The following CACNA1D variants were observed in gnomAD, a reference collection of about 807,000 sequenced individuals.
The protein encoded by CACNA1D is voltage-dependent L-type calcium channel subunit alpha-1D.
Under a neutral mutation model 257.1 loss-of-function variants are expected in CACNA1D, and 55 were observed. The observed-to-expected ratio is 0.21, with a 90% confidence interval of 0.17 to 0.27. The LOEUF (loss-of-function observed/expected upper bound fraction) is 0.27. CACNA1D is among the 10% of genes least tolerant of loss of function. The pLI, the probability that CACNA1D is intolerant of heterozygous loss-of-function variation, is 1.00. For missense variants in CACNA1D, 1,876 were observed against 2,784.0 expected, an observed-to-expected ratio of 0.67 and a Z score of 7.34; for synonymous variants, 980 against 1,014.9, an observed-to-expected ratio of 0.97 and a Z score of 0.65.
chr3:53,763,018 C>T (rs1384323584), intron 30 of CACNA1D, among the ~76,000 whole-genome samples: 3 of 152,166 alleles, frequency 2.0e-5, no homozygotes, highest in African/African-American at 7.2e-5. Context: ...TGATGTGCAC[C>T]CTCGTCCCCG....
At chr3:53,505,736 G>T (rs1299090820) in intron 3 of CACNA1D, among the ~76,000 whole-genome samples, 1 of 152,186 alleles carries the variant, frequency 6.6e-6, no homozygotes, top group African/African-American at 2.4e-5. Flanking sequence ...CTGCTTAAAA[G>T]AGCCCACAGT....
intron 29 of CACNA1D, among the ~76,000 whole-genome samples, chr3:53,761,526 G>A (rs2095302239): frequency 6.6e-6 from 1 of 152,248 alleles, no homozygotes; most frequent in Non-Finnish European, 1.5e-5. Context: ...GCGAGGACTG[G>A]AGAGCATTGC....
At chr3:53,765,608 T>C (rs112185871) in intron 30 of CACNA1D, 32 of 152,782 alleles carry the variant, frequency 2.1e-4, no homozygotes, top group African/African-American at 7.5e-4. Context: ...ATCTAAATTG[T>C]TCCCCATCCC....
intron 3 of CACNA1D, among the ~76,000 whole-genome samples, chr3:53,533,317 G>A (rs189453405): frequency 2.0e-5 from 3 of 152,230 alleles, no homozygotes; most frequent in East Asian, 1.9e-4. Context: ...GAAGTAGATC[G>A]GGTCTACGTT....
At chr3:53,633,698 G>A (rs886650215) in intron 3 of CACNA1D, among the ~76,000 whole-genome samples, 16 of 152,164 alleles carry the variant, frequency 1.1e-4, no homozygotes, top group African/African-American at 3.6e-4. Flanking sequence ...CTCCACAGAC[G>A]TGCTTTTCAG....
chr3:53,713,502 ATGTGTGTGTGTGTGTG>A (rs35655186), intron 9 of CACNA1D, among the ~76,000 whole-genome samples: 1 of 129,460 alleles, frequency 7.7e-6, no homozygotes, highest in South Asian at 2.3e-4. Flanking sequence ...CTCTGTGTGT[ATGTGTGTGTGTGTGTG>A]TGTGTGTGTG....
At chr3:53,747,547 G>T in intron 26 of CACNA1D, 99 bp downstream of exon 26, 8 of 1,269,370 alleles carry the variant, frequency 6.3e-6, no homozygotes, top group Non-Finnish European at 9.2e-6. Flanking sequence ...CTCCAGTGTC[G>T]CAGGATTGCC....
chr3:53,675,760 T>A lies in CACNA1D; in HGVS notation c.1220+2634T>A, dbSNP rs560409232. 4.5e-4 allele frequency among the ~76,000 whole-genome samples: 69 copies of A among 152,308 alleles called. 1 individual carries two copies. The highest frequency in any genetic ancestry group is 1.5e-3 in the African/African-American group (64 of 41,576). On this transcript the variant is annotated intron_variant, in intron 8 of 47. Coordinates refer to ENST00000350061, the MANE Select transcript of CACNA1D (RefSeq NM_001128840.3). Reference sequence around the variant, plus strand: ...ATATTTTGGGGGGAAATAATTTTTTTAAAAAATATTTTTTCATCAAAACAA... The same window carrying A: ...ATATTTTGGGGGGAAATAATTTTTTAAAAAAATATTTTTTCATCAAAACAA...
In CACNA1D at chr3:53,810,098, A is replaced by AC. The variant is rs753903534; in HGVS notation, c.5998dup (p.Leu2000ProfsTer91). On this transcript the variant is annotated frameshift_variant, in exon 47 of 48. Coordinates refer to ENST00000350061, the MANE Select transcript of CACNA1D (RefSeq NM_001128840.3). LOFTEE classifies it high-confidence loss of function. ...CTACCGGGACTGGACACCGTGCTAC[A>AC]CCCCCCTGATCCAAGTGGAGCAGTC... The AC allele has an allele frequency of 6.2e-7, 1 of 1,613,478 alleles. No individual in the cohort carries two copies. Among genetic ancestry groups the AC allele is most frequent in the Non-Finnish European group, 8.5e-7 (1 of 1,179,930 alleles).
chr3:53,583,241 T>A (rs1426351265), intron 3 of CACNA1D, among the ~76,000 whole-genome samples: 2 of 151,950 alleles, frequency 1.3e-5, no homozygotes, highest in East Asian at 1.9e-4. Flanking sequence ...ATTTTTTTTT[T>A]AATTGCTACC....
chr3:53,551,632 G>A (rs1296550052), intron 3 of CACNA1D, among the ~76,000 whole-genome samples: 1 of 152,180 alleles, frequency 6.6e-6, no homozygotes, highest in Admixed American at 6.5e-5. Flanking sequence ...CCCACACTTC[G>A]AGGTTTACAA....
At position 53,635,725 on chromosome 3, in the gene CACNA1D, T is replaced by C. The variant is rs535217539; in HGVS notation, c.484-15054T>C. Among the ~76,000 whole-genome samples the C allele has an allele frequency of 2.6e-5, 4 of 152,322 alleles. No individual in the cohort carries two copies. In the East Asian group the frequency reaches 7.7e-4, roughly 29 times the overall value. ...TTTGGTGCTTTTTCCTACTCCATCC[T>C]GCCTTCTGCTATTCATGCCCCATTG... On this transcript the variant is annotated intron_variant, in intron 3 of 47. Transcript: ENST00000350061.
intron 21 of CACNA1D, among the ~76,000 whole-genome samples, chr3:53,741,730 C>G (rs1275770521): frequency 6.6e-6 from 1 of 152,134 alleles, no homozygotes; most frequent in East Asian, 1.9e-4. Flanking sequence ...CACTCACCGG[C>G]TCAGCTTCTG....
chr3:53,691,799 A>ATGAAG (rs2094526334), intron 8 of CACNA1D, among the ~76,000 whole-genome samples: 1 of 109,976 alleles, frequency 9.1e-6, no homozygotes, highest in Non-Finnish European at 1.8e-5. Context: ...TATATATTAC[A>ATGAAG]TATATAATAT....
chr3:53,658,049 ACTC>A lies in CACNA1D; in HGVS notation c.624-2080_624-2078del, dbSNP rs2094165642. On this transcript the variant is annotated intron_variant, in intron 4 of 47. Coordinates refer to ENST00000350061, the MANE Select transcript of CACNA1D (RefSeq NM_001128840.3). Reference sequence around the variant, plus strand: ...TGAAGAACGTGAAGGCTTGTATGTGACTCCTCATTCTGGTGCTTCTGACTTTAG... The same window carrying A: ...TGAAGAACGTGAAGGCTTGTATGTGACTCATTCTGGTGCTTCTGACTTTAG... Among the ~76,000 whole-genome samples, 2 of 151,966 alleles carry A rather than the reference ACTC, an allele frequency of 1.3e-5. 1 individual carries two copies. The highest frequency in any genetic ancestry group is 4.8e-5 in the African/African-American group (2 of 41,368).
intron 3 of CACNA1D, among the ~76,000 whole-genome samples, chr3:53,597,944 C>T (rs1395079087): frequency 6.6e-6 from 1 of 152,198 alleles, no homozygotes; most frequent in Admixed American, 6.5e-5. Flanking sequence ...ACTGCAATTA[C>T]TTTTGCGCCT....
chr3:53,514,385 G>A (rs548337896), intron 3 of CACNA1D, among the ~76,000 whole-genome samples: 5 of 151,606 alleles, frequency 3.3e-5, no homozygotes, highest in African/African-American at 9.7e-5. Flanking sequence ...TTTTGGGGGC[G>A]TGGGGGGTGG....
intron 3 of CACNA1D, among the ~76,000 whole-genome samples, chr3:53,538,880 A>G (rs1421932945): frequency 6.6e-6 from 1 of 152,196 alleles, no homozygotes; most frequent in Admixed American, 6.5e-5. Flanking sequence ...TGCATACAGT[A>G]CAACACCAAT....
intron 3 of CACNA1D, among the ~76,000 whole-genome samples, chr3:53,584,139 T>G (rs2093176096): frequency 6.6e-6 from 1 of 152,194 alleles, no homozygotes; most frequent in African/African-American, 2.4e-5. Context: ...TGGGCCGTTC[T>G]CTTTCATTCA....
Sources: gnomAD v4.1 joint callset for allele counts (sites outside exome capture counted in the v4.1 genomes callset) on GRCh38, gnomAD v4.1.1 for gene constraint, MANE v1.5 for transcripts, NCBI Gene and HGNC (gene_info 2026-07-23, HGNC 2026-07-21) for gene names.